The following GPHN variants were observed in gnomAD, a reference collection of about 807,000 sequenced individuals.
GPHN encodes gephyrin.
In GPHN, 17 loss-of-function variants were observed where a neutral mutation model predicts 95.5. That is an observed-to-expected ratio of 0.18 (90% CI 0.12 to 0.27). The LOEUF is 0.27. GPHN is among the 10% of genes least tolerant of loss of function. GPHN has a pLI of 1.00. For synonymous variants in GPHN, 320 were observed against 322.5 expected, an observed-to-expected ratio of 0.99 and a Z score of 0.08; for missense variants, 660 against 978.1, an observed-to-expected ratio of 0.67 and a Z score of 4.34.
At chr14:67,612,515 C>T in the GPHN span, among the ~76,000 whole-genome samples, 40 of 152,130 alleles carry the variant, frequency 2.6e-4, 1 homozygote, top group Non-Finnish European at 4.4e-4. Context: ...TGGTAATTGA[C>T]GAAGGGTTCT....
the GPHN span, among the ~76,000 whole-genome samples, chr14:67,331,756 A>G: frequency 5.3e-5 from 8 of 152,158 alleles, no homozygotes; most frequent in Non-Finnish European, 1.0e-4. Context: ...TTCAACTCCA[A>G]TACCACAAAG....
rs188587583 is a variant in GPHN, at chr14:67,161,839, G to A, written c.1910+2351G>A. On this transcript the variant is annotated intron_variant, in intron 19 of 22. Coordinates refer to ENST00000478722, the MANE Select transcript of GPHN (RefSeq NM_020806.5). ...TTACCTCTAGAGAAGAGTTATTTGT[G>A]TAATATCTATCATTTAAAATATTCT... Among the ~76,000 whole-genome samples, 21 of 152,258 alleles carry A rather than the reference G, an allele frequency of 1.4e-4. No homozygotes were observed. The East Asian group carries it at 4.1e-3, about 29-fold the overall frequency.
chr14:67,725,018 C>T, the GPHN span: 1 of 1,469,578 alleles, frequency 6.8e-7, no homozygotes, highest in East Asian at 2.3e-5. Flanking sequence ...ATGCTCTGTC[C>T]CCCAGTCCCA....
At chr14:67,447,927 C>T in the GPHN span, 1 of 152,200 alleles carries the variant, frequency 6.6e-6, no homozygotes, top group Admixed American at 6.5e-5. Flanking sequence ...CTCTACCTTG[C>T]ATCTGGAAGT....
chr14:67,583,637 C>T, the GPHN span: 4 of 802,596 alleles, frequency 5.0e-6, no homozygotes, highest in Non-Finnish European at 7.7e-6. Flanking sequence ...TCGCACCCCA[C>T]CAATAGGGTA....
At chr14:67,709,350 T>G in the GPHN span, among the ~76,000 whole-genome samples, 79 of 152,310 alleles carry the variant, frequency 5.2e-4, 1 homozygote, top group African/African-American at 1.8e-3. Context: ...TGAAGCCAAT[T>G]AAATTCATTT....
chr14:67,571,002 A>G, the GPHN span: 4 of 152,182 alleles, frequency 2.6e-5, no homozygotes, highest in Admixed American at 2.6e-4. Flanking sequence ...GATTACAGGC[A>G]TGAGCCACCA....
chr14:67,238,624 A>G, the GPHN span, among the ~76,000 whole-genome samples: 1 of 151,754 alleles, frequency 6.6e-6, no homozygotes, highest in African/African-American at 2.4e-5. Context: ...TTAACATGAA[A>G]ATATCTTTAG....
At chr14:66,787,599 C>T (rs986251135) in intron 3 of GPHN, among the ~76,000 whole-genome samples, 9 of 151,996 alleles carry the variant, frequency 5.9e-5, no homozygotes, top group African/African-American at 1.9e-4. Flanking sequence ...CTACAGTATT[C>T]AAGATAGTAT....
intron 10 of GPHN, among the ~76,000 whole-genome samples, chr14:67,026,276 A>T (rs2073918639): frequency 6.6e-6 from 1 of 152,202 alleles, no homozygotes; most frequent in African/African-American, 2.4e-5. Context: ...GATTGTTACA[A>T]GGATTAAATA....
At chr14:67,290,226 A>C in the GPHN span, among the ~76,000 whole-genome samples, 3 of 152,202 alleles carry the variant, frequency 2.0e-5, no homozygotes, top group African/African-American at 7.2e-5. Context: ...GTAACGAAAA[A>C]AGTGACATAA....
the GPHN span, among the ~76,000 whole-genome samples, chr14:67,716,492 G>A: frequency 1.3e-5 from 2 of 152,220 alleles, no homozygotes; most frequent in Admixed American, 6.5e-5. Flanking sequence ...GATTTTCCAT[G>A]ACAGAAAGTG....
intron 3 of GPHN, among the ~76,000 whole-genome samples, chr14:66,795,908 A>G (rs941538768): frequency 2.6e-5 from 4 of 152,098 alleles, no homozygotes; most frequent in Admixed American, 6.6e-5. Flanking sequence ...CTGTTTTGCT[A>G]TCACATACTA....
chr14:66,666,749 C>T (rs375664692), intron 1 of GPHN, among the ~76,000 whole-genome samples: 188 of 152,274 alleles, frequency 1.2e-3, no homozygotes, highest in African/African-American at 4.0e-3. Context: ...CCTCTCTCAC[C>T]GCTCCTGTTC....
chr14:67,216,941 CA>C, the GPHN span, among the ~76,000 whole-genome samples: 1 of 152,076 alleles, frequency 6.6e-6, no homozygotes, highest in Non-Finnish European at 1.5e-5. Flanking sequence ...GTCTGTGATG[CA>C]GTTTAAATTC....
At chr14:67,257,316 T>G in the GPHN span, among the ~76,000 whole-genome samples, 8 of 151,930 alleles carry the variant, frequency 5.3e-5, no homozygotes, top group Non-Finnish European at 1.0e-4. Flanking sequence ...CTGTCCTTTA[T>G]CCACAAGGAA....
intron 8 of GPHN, among the ~76,000 whole-genome samples, chr14:66,931,327 GTCT>G (rs1352429532): frequency 1.3e-5 from 2 of 151,994 alleles, no homozygotes; most frequent in Non-Finnish European, 2.9e-5. Context: ...TCTTGAGGTG[GTCT>G]TCTTTGGGGT....
chr14:67,479,713 G>T, the GPHN span, among the ~76,000 whole-genome samples: 6 of 151,890 alleles, frequency 4.0e-5, no homozygotes, highest in Non-Finnish European at 8.8e-5. Context: ...GTGAGACTCC[G>T]TCTCAAAAAA....
At chr14:67,557,525 G>A in the GPHN span, 2,392 of 976,764 alleles carry the variant, frequency 2.4e-3, 39 homozygotes, top group African/African-American at 0.033. Flanking sequence ...TGGGGAACTC[G>A]CTCCCTCCTG....
Sources: allele counts gnomAD v4.1 joint callset (sites outside exome capture counted in the v4.1 genomes callset), GRCh38; gene constraint gnomAD v4.1.1; transcripts MANE v1.5; gene names NCBI Gene and HGNC (gene_info 2026-07-23, HGNC 2026-07-21).